MED27: variants seen among roughly 807,000 people sequenced by gnomAD.
MED27 encodes mediator of RNA polymerase II transcription subunit 27.
MED27 carries 30 observed loss-of-function variants against 38.2 expected under a neutral mutation model. That is an observed-to-expected ratio of 0.79 (90% CI 0.59 to 1.07). The LOEUF (loss-of-function observed/expected upper bound fraction) is 1.07. Ranked by LOEUF, MED27 falls within the 50% of genes least tolerant of loss-of-function variation. The pLI, the probability that MED27 is intolerant of heterozygous loss-of-function variation, is 0.00. For missense variants in MED27, 289 were observed against 397.5 expected, an observed-to-expected ratio of 0.73 and a Z score of 2.32; for synonymous variants, 122 against 153.5, an observed-to-expected ratio of 0.79 and a Z score of 1.52.
rs971994609 is a variant in MED27, at chr9:131,982,728, CA to C, written c.479+31608del. Among the ~76,000 whole-genome samples, 2 of 152,164 alleles carry C rather than the reference CA, an allele frequency of 1.3e-5. No homozygotes were observed. Among genetic ancestry groups the C allele is most frequent in the Non-Finnish European group, 2.9e-5 (2 of 68,024 alleles). On this transcript the variant is annotated intron_variant, in intron 3 of 7. Coordinates refer to ENST00000292035, the MANE Select transcript of MED27 (RefSeq NM_004269.4). The surrounding 1 kb of genome is among the most constrained non-coding windows in gnomAD (Gnocchi z 4.3). Reference sequence around the variant, plus strand: ...ACCAACAAACATCTTCTTGAAGGCCCAGGGAGTAAATATTGTCAGCTTTTCT... The same window carrying C: ...ACCAACAAACATCTTCTTGAAGGCCCGGGAGTAAATATTGTCAGCTTTTCT...
At chr9:132,034,339 A>G (rs542414134) in intron 2 of MED27, among the ~76,000 whole-genome samples, 14 of 152,338 alleles carry the variant, frequency 9.2e-5, no homozygotes, top group African/African-American at 3.4e-4. Flanking sequence ...AAATTCATCA[A>G]AGTATGTCAG....
At chr9:132,016,884 C>T (rs980686549) in intron 2 of MED27, among the ~76,000 whole-genome samples, 4 of 152,158 alleles carry the variant, frequency 2.6e-5, no homozygotes, top group African/African-American at 4.8e-5. Flanking sequence ...CAGAAATGTA[C>T]GCTAACTGCT....
intron 2 of MED27, among the ~76,000 whole-genome samples, chr9:132,050,021 A>G (rs191485139): frequency 3.9e-5 from 6 of 152,276 alleles, no homozygotes; most frequent in Admixed American, 3.9e-4. Context: ...GAAATATAAC[A>G]TGGGATGGGC....
In MED27 at chr9:132,051,377, T is replaced by TG. The variant is rs1833461720; in HGVS notation, c.348+26064dup. The stretch of plus-strand genomic sequence containing the variant: ...ACTTTGTTCTGAAGTCTAACTACGT[T>TG]GGGGAAAAAAGAGGGCTTGTCTTGG... On this transcript the variant is annotated intron_variant, in intron 2 of 7. Transcript: ENST00000292035. This position sits in a 1 kb window ranked among gnomAD's most constrained non-coding sequence, Gnocchi z 4.2. Among the ~76,000 whole-genome samples, 1 of 152,176 alleles carries TG rather than the reference T, an allele frequency of 6.6e-6. No homozygotes were observed. The highest frequency in any genetic ancestry group is 1.5e-5 in the Non-Finnish European group (1 of 68,030).
intron 3 of MED27, among the ~76,000 whole-genome samples, chr9:132,001,426 ATAAAT>A (rs1214063557): frequency 1.3e-5 from 2 of 152,254 alleles, no homozygotes; most frequent in African/African-American, 2.4e-5. Flanking sequence ...TCAGATCACA[ATAAAT>A]TAAACTGTAT....
At chr9:132,035,710 C>T (rs966266770) in intron 2 of MED27, among the ~76,000 whole-genome samples, 1 of 152,144 alleles carries the variant, frequency 6.6e-6, no homozygotes, top group Non-Finnish European at 1.5e-5. Flanking sequence ...TGCCTGTCAC[C>T]CCGGCACTTT....
At chr9:131,962,537 C>T (rs912790104) in intron 3 of MED27, among the ~76,000 whole-genome samples, 47 of 117,122 alleles carry the variant, frequency 4.0e-4, no homozygotes, top group Admixed American at 7.2e-4. Context: ...TTGTGCCTGG[C>T]GTGTGATTTT....
At chr9:131,924,889 T>C (rs1440422634) in intron 4 of MED27, among the ~76,000 whole-genome samples, 3 of 152,244 alleles carry the variant, frequency 2.0e-5, no homozygotes, top group Non-Finnish European at 2.9e-5. Context: ...ATGACTGATA[T>C]GTGTGGTCTC....
At chr9:131,971,161 G>T (rs1288133122) in intron 3 of MED27, among the ~76,000 whole-genome samples, 1 of 152,186 alleles carries the variant, frequency 6.6e-6, no homozygotes, top group Non-Finnish European at 1.5e-5. Context: ...GGATTTGGGG[G>T]ATTATCCCAT....
chr9:131,955,977 TTAA>T (rs1409885358), intron 3 of MED27, among the ~76,000 whole-genome samples: 3 of 152,180 alleles, frequency 2.0e-5, no homozygotes, highest in African/African-American at 4.8e-5. Flanking sequence ...ACAAAATTCC[TTAA>T]TAAAATATTA....
At chr9:131,985,942 A>G (rs1235542881) in intron 3 of MED27, among the ~76,000 whole-genome samples, 1 of 152,110 alleles carries the variant, frequency 6.6e-6, no homozygotes, top group Non-Finnish European at 1.5e-5. Flanking sequence ...CTTTGGTTTT[A>G]GCAAAAAAGT....
At chr9:132,057,338 C>T (rs994733620) in intron 2 of MED27, among the ~76,000 whole-genome samples, 1 of 152,180 alleles carries the variant, frequency 6.6e-6, no homozygotes, top group African/African-American at 2.4e-5. Context: ...TCTAGATTCA[C>T]AAGTCACTGG....
At chr9:132,026,016 T>C (rs1832809881) in intron 2 of MED27, among the ~76,000 whole-genome samples, 1 of 152,128 alleles carries the variant, frequency 6.6e-6, no homozygotes, top group Non-Finnish European at 1.5e-5. Context: ...GGCTGAGTCA[T>C]AAGAGAGTTG....
At chr9:131,978,317 A>T (rs115092420) in intron 3 of MED27, among the ~76,000 whole-genome samples, 2,061 of 152,334 alleles carry the variant, frequency 0.014, 60 homozygotes, top group African/African-American at 0.046. Context: ...CACAAAAGAC[A>T]TATCAATCAA....
chr9:132,023,784 TATG>T (rs1405670999), intron 2 of MED27, among the ~76,000 whole-genome samples: 1 of 152,044 alleles, frequency 6.6e-6, no homozygotes, highest in Non-Finnish European at 1.5e-5. Flanking sequence ...GAAAAAGATA[TATG>T]ATGATGATGT....
intron 3 of MED27, among the ~76,000 whole-genome samples, chr9:131,975,580 T>C (rs960918411): frequency 1.4e-4 from 21 of 152,182 alleles, no homozygotes; most frequent in Non-Finnish European, 2.2e-4. Flanking sequence ...TTGACCACCA[T>C]TGACCACATT....
At chr9:132,009,320 G>A (rs562059151) in intron 3 of MED27, among the ~76,000 whole-genome samples, 4 of 152,276 alleles carry the variant, frequency 2.6e-5, no homozygotes, top group South Asian at 4.1e-4. Context: ...TCTTTGACAC[G>A]TCTTTCTTCA....
chr9:131,954,965 G>T (rs1316104304), intron 3 of MED27, among the ~76,000 whole-genome samples: 3 of 151,954 alleles, frequency 2.0e-5, no homozygotes, highest in African/African-American at 7.3e-5. Context: ...ACTTGAACAG[G>T]GTTAACCCAA....
intron 4 of MED27, among the ~76,000 whole-genome samples, chr9:131,911,882 C>T (rs1184723731): frequency 6.6e-6 from 1 of 152,114 alleles, no homozygotes; most frequent in African/African-American, 2.4e-5. Context: ...CTGATCACTG[C>T]TGTTAACTGT....
Sources: allele counts gnomAD v4.1 joint callset (sites outside exome capture counted in the v4.1 genomes callset), GRCh38; gene constraint gnomAD v4.1.1; non-coding constraint Gnocchi (gnomAD v3.1); transcripts MANE v1.5; gene names NCBI Gene and HGNC (gene_info 2026-07-23, HGNC 2026-07-21).